ZNF704: variants seen among roughly 807,000 people sequenced by gnomAD.
ZNF704 encodes the protein zinc finger protein 704, also known as glucocorticoid induced gene 1.
ZNF704 carries 10 observed loss-of-function variants against 44.7 expected under a neutral mutation model. That is an observed-to-expected ratio of 0.22 (90% CI 0.14 to 0.38). The LOEUF is 0.38. Ranked by LOEUF, ZNF704 falls within the 10% of genes least tolerant of loss-of-function variation. The pLI is 1.00. For missense variants in ZNF704, 390 were observed against 545.5 expected, an observed-to-expected ratio of 0.71 and a Z score of 2.84; for synonymous variants, 211 against 207.6, an observed-to-expected ratio of 1.02 and a Z score of -0.14.
intron 1 of ZNF704, among the ~76,000 whole-genome samples, chr8:80,873,903 G>A (rs1229296493): frequency 6.8e-6 from 1 of 146,088 alleles, no homozygotes; most frequent in South Asian, 2.1e-4. Context: ...GCGGGCGCCG[G>A]GGCCGGGCCC....
chr8:80,794,924 T>C lies in ZNF704; in HGVS notation c.221+26450A>G, dbSNP rs1185553281. On this transcript the variant is annotated intron_variant, in intron 2 of 8. Coordinates refer to ENST00000327835, the MANE Select transcript of ZNF704 (RefSeq NM_001033723.3). Reference sequence around the variant, plus strand: ...AGGAACTTTTTCATGTACATGTTTATGAAAACAAAAACAAATGGCCACAGT... The same window carrying C: ...AGGAACTTTTTCATGTACATGTTTACGAAAACAAAAACAAATGGCCACAGT... Among the ~76,000 whole-genome samples the C allele has an allele frequency of 3.9e-5, 6 of 152,212 alleles. No homozygotes were observed. In the East Asian group the frequency reaches 1.2e-3, roughly 29 times the overall value.
chr8:80,873,328 C>A (rs1040665267), intron 1 of ZNF704, among the ~76,000 whole-genome samples: 27 of 152,280 alleles, frequency 1.8e-4, no homozygotes, highest in African/African-American at 6.0e-4. Flanking sequence ...CGGGAGCCGC[C>A]GCCTGGGAGA....
intron 2 of ZNF704, among the ~76,000 whole-genome samples, chr8:80,716,940 G>C (rs1819081033): frequency 6.6e-6 from 1 of 152,234 alleles, no homozygotes; most frequent in South Asian, 2.1e-4. Context: ...AGCTTCCTCT[G>C]TAGGTTTGGT....
chr8:80,767,798 T>C (rs1020818899), intron 2 of ZNF704, among the ~76,000 whole-genome samples: 2 of 152,310 alleles, frequency 1.3e-5, no homozygotes, highest in South Asian at 4.1e-4. Context: ...TTTGCTGCTA[T>C]TAAAATTACC....
rs148938410 is a variant in ZNF704, at chr8:80,708,173, T to C, written c.222-15066A>G. On this transcript the variant is annotated intron_variant, in intron 2 of 8. Coordinates refer to ENST00000327835, the MANE Select transcript of ZNF704 (RefSeq NM_001033723.3). Reference sequence around the variant, plus strand: ...CTGTCATTTAAAAATTTGTTCGTAATAGATCTAAGCACTATGAAATCAAAT... The same window carrying C: ...CTGTCATTTAAAAATTTGTTCGTAACAGATCTAAGCACTATGAAATCAAAT... 9.2e-5 allele frequency among the ~76,000 whole-genome samples: 14 copies of C among 152,364 alleles called. No homozygotes were observed. In the East Asian group the frequency reaches 2.7e-3, roughly 29 times the overall value.
chr8:80,832,663 A>C (rs73262597), intron 1 of ZNF704, among the ~76,000 whole-genome samples: 1 of 151,904 alleles, frequency 6.6e-6, no homozygotes, highest in African/African-American at 2.4e-5. Flanking sequence ...GATAGTAAAA[A>C]AGTAGTTTAG....
chr8:80,777,938 A>G (rs1046623327), intron 2 of ZNF704, among the ~76,000 whole-genome samples: 12 of 152,036 alleles, frequency 7.9e-5, no homozygotes, highest in Non-Finnish European at 1.8e-4. Context: ...TCACCCCTAA[A>G]TATTTCAATA....
intron 4 of ZNF704, among the ~76,000 whole-genome samples, chr8:80,679,053 C>G (rs1183726530): frequency 6.6e-6 from 1 of 152,154 alleles, no homozygotes; most frequent in East Asian, 1.9e-4. Flanking sequence ...TTCCAGAGTT[C>G]TGGTAACCTT....
rs1167644179 is a variant in ZNF704 at position 80,632,224 on chromosome 8, A to T, written c.*9142T>A. ...AGTCTCACCCCAGGTGCAGCAGTGAAATCTTGGCTCACTGCAACCTCTGCC... is the reference window on the plus strand; with the variant it reads ...AGTCTCACCCCAGGTGCAGCAGTGATATCTTGGCTCACTGCAACCTCTGCC... On this transcript the variant is annotated 3_prime_UTR_variant, in exon 9 of 9. Coordinates refer to ENST00000327835, the MANE Select transcript of ZNF704 (RefSeq NM_001033723.3). 1.3e-5 allele frequency: 2 copies of T among 152,168 alleles called. No homozygotes were observed. The highest frequency in any genetic ancestry group is 2.9e-5 in the Non-Finnish European group (2 of 68,028). 9.4% of individuals were successfully genotyped at this position (152,168 alleles called of 1,614,324 possible). A position where few individuals can be genotyped will look rare whatever the true frequency, so the allele number is the denominator to read the frequency against.
intron 2 of ZNF704, among the ~76,000 whole-genome samples, chr8:80,766,135 T>A (rs1225604751): frequency 6.6e-6 from 1 of 152,190 alleles, no homozygotes; most frequent in East Asian, 1.9e-4. Context: ...ATTATTCTAG[T>A]GGGTCTTTAT....
intron 4 of ZNF704, among the ~76,000 whole-genome samples, chr8:80,683,984 C>G (rs532487376): frequency 2.8e-4 from 43 of 152,316 alleles, no homozygotes; most frequent in African/African-American, 1.0e-3. Flanking sequence ...GCTCCCTCCC[C>G]TTTTGTTTAG....
intron 1 of ZNF704, among the ~76,000 whole-genome samples, chr8:80,824,954 C>T (rs1373494556): frequency 6.6e-6 from 1 of 152,144 alleles, no homozygotes; most frequent in Non-Finnish European, 1.5e-5. Flanking sequence ...CAACTGGTAC[C>T]AGCCACTGCA....
At chr8:80,877,584 T>A (rs935520544), upstream of ZNF704, among the ~76,000 whole-genome samples, 7 of 152,192 alleles carry the variant, frequency 4.6e-5, no homozygotes, top group Admixed American at 3.9e-4. Context: ...CTGGGAGCGC[T>A]TGCCACTCAG....
chr8:80,881,319 A>G, the ZNF704 span, among the ~76,000 whole-genome samples: 2 of 152,234 alleles, frequency 1.3e-5, no homozygotes, highest in Non-Finnish European at 2.9e-5. Flanking sequence ...TGTACAAACC[A>G]CTATGCAGCC....
chr8:80,745,750 A>G (rs1032945851), intron 2 of ZNF704, among the ~76,000 whole-genome samples: 3 of 152,228 alleles, frequency 2.0e-5, no homozygotes, highest in Non-Finnish European at 2.9e-5. Context: ...CAGTAAATGC[A>G]CATGAGCATG....
rs527500574 is a variant in ZNF704 at position 80,672,824 on chromosome 8, C to G, written c.559-2221G>C. Among the ~76,000 whole-genome samples the G allele has an allele frequency of 2.6e-5, 4 of 152,142 alleles. No individual in the cohort carries two copies. In the East Asian group the frequency reaches 5.8e-4, roughly 22 times the overall value. ...ATCTATTGGGTACTATGTTCACTAC[C>G]TGGGTGATAGGCTCAATTGTATCCC... On this transcript the variant is annotated intron_variant, in intron 4 of 8. Coordinates refer to ENST00000327835, the MANE Select transcript of ZNF704 (RefSeq NM_001033723.3).
At chr8:80,746,914 T>G (rs1357794761) in intron 2 of ZNF704, among the ~76,000 whole-genome samples, 1 of 152,172 alleles carries the variant, frequency 6.6e-6, no homozygotes, top group East Asian at 1.9e-4. Context: ...TACACATCAA[T>G]CAGTCCATAA....
At chr8:80,731,643 T>C (rs1585987293) in intron 2 of ZNF704, among the ~76,000 whole-genome samples, 1 of 152,194 alleles carries the variant, frequency 6.6e-6, no homozygotes, top group East Asian at 1.9e-4. Flanking sequence ...CATGTGCCTA[T>C]AGTCCCAGCT....
rs1040781928 is a variant in ZNF704, at chr8:80,874,408, C to T, written c.-22+163G>A. ...CGAGCCCGCGCGCGCCTCTCCCGGC[C>T]GGCTGCGCCCGCGCGCTCCGGGCCT... On this transcript the variant is annotated intron_variant, in intron 1 of 8. Transcript: ENST00000327835. The surrounding 1 kb of genome is among the most constrained non-coding windows in gnomAD (Gnocchi z 4.4). Among the ~76,000 whole-genome samples the T allele has an allele frequency of 2.0e-5, 3 of 148,540 alleles. No homozygotes were observed. Among genetic ancestry groups the T allele is most frequent in the East Asian group, 2.0e-4 (1 of 5,068 alleles).
Sources: gnomAD v4.1 joint callset for allele counts (sites outside exome capture counted in the v4.1 genomes callset) on GRCh38, gnomAD v4.1.1 for gene constraint, Gnocchi (gnomAD v3.1) non-coding constraint, MANE v1.5 for transcripts, NCBI Gene and HGNC (gene_info 2026-07-23, HGNC 2026-07-21) for gene names.